TFEC: variants seen among roughly 807,000 people sequenced by gnomAD.
The protein encoded by TFEC is class E basic helix-loop-helix protein 34.
In TFEC, 31 loss-of-function variants were observed where a neutral mutation model predicts 41.6. That is an observed-to-expected ratio of 0.74 (90% CI 0.56 to 1.01). The LOEUF (loss-of-function observed/expected upper bound fraction) is 1.01, where lower values mean the gene tolerates loss of function less well. Ranked by LOEUF, TFEC falls within the 50% of genes least tolerant of loss-of-function variation. The pLI is 0.00. For synonymous variants in TFEC, 143 were observed against 140.6 expected, an observed-to-expected ratio of 1.02 and a Z score of -0.12; for missense variants, 402 against 404.1, an observed-to-expected ratio of 0.99 and a Z score of 0.04.
chr7:116,095,493 T>C (rs919741370), intron 3 of TFEC, among the ~76,000 whole-genome samples: 14 of 152,140 alleles, frequency 9.2e-5, no homozygotes, highest in Non-Finnish European at 1.8e-4. Flanking sequence ...ATATGCAATA[T>C]CCAATATATG....
At chr7:115,971,871 T>G (rs1006454653) in intron 3 of TFEC, among the ~76,000 whole-genome samples, 1 of 152,064 alleles carries the variant, frequency 6.6e-6, no homozygotes, top group South Asian at 2.1e-4. Context: ...GATGCCCACA[T>G]ACAATATTAC....
At chr7:116,076,735 A>T (rs1195134105) in intron 3 of TFEC, among the ~76,000 whole-genome samples, 1 of 152,090 alleles carries the variant, frequency 6.6e-6, no homozygotes, top group African/African-American at 2.4e-5. Flanking sequence ...AAGAAAAAAG[A>T]ATATTTAAAA....
Position 116,084,704 on chromosome 7 carries a change from A to G in TFEC, c.198+26004T>C, listed in dbSNP as rs575921693. On this transcript the variant is annotated intron_variant, in intron 3 of 8. Coordinates refer to the TFEC transcript ENST00000484212. ...ATCATGTACTGTAATGCTTCCTGGGATATGTCACATCATCCCTTATTTTTC... is the reference window on the plus strand; with the variant it reads ...ATCATGTACTGTAATGCTTCCTGGGGTATGTCACATCATCCCTTATTTTTC... 1.8e-4 allele frequency among the ~76,000 whole-genome samples: 28 copies of G among 152,042 alleles called. No individual in the cohort carries two copies. In the South Asian group the frequency reaches 5.8e-3, roughly 32 times the overall value.
chr7:116,107,763 A>C (rs1431031877), intron 3 of TFEC, among the ~76,000 whole-genome samples: 1 of 152,172 alleles, frequency 6.6e-6, no homozygotes, highest in Non-Finnish European at 1.5e-5. Flanking sequence ...ACAAATAAGA[A>C]CCACTAGGTC....
intron 1 of TFEC, among the ~76,000 whole-genome samples, chr7:116,154,457 G>A (rs1041619783): frequency 1.3e-5 from 2 of 152,160 alleles, no homozygotes; most frequent in South Asian, 4.2e-4. Context: ...TGAAAGCATG[G>A]TAGGAATGAT....
chr7:116,010,847 T>C (rs1044902652), intron 1 of TFEC, among the ~76,000 whole-genome samples: 1 of 152,208 alleles, frequency 6.6e-6, no homozygotes, highest in Non-Finnish European at 1.5e-5. Context: ...TTAACCTTAA[T>C]TAAATAATTA....
At chr7:116,047,853 G>C (rs1796207768) in intron 3 of TFEC, among the ~76,000 whole-genome samples, 1 of 152,154 alleles carries the variant, frequency 6.6e-6, no homozygotes, top group South Asian at 2.1e-4. Flanking sequence ...AGCCTCCACT[G>C]GTGATACCAG....
chr7:116,130,084 A>ACACACACT (rs1166207148), intron 1 of TFEC, among the ~76,000 whole-genome samples: 2 of 144,290 alleles, frequency 1.4e-5, no homozygotes, highest in East Asian at 2.1e-4. Flanking sequence ...ACACACACAC[A>ACACACACT]CTCTTACTTG....
intron 3 of TFEC, among the ~76,000 whole-genome samples, chr7:116,093,264 C>A (rs1797370455): frequency 6.6e-6 from 1 of 151,874 alleles, no homozygotes; most frequent in Admixed American, 6.6e-5. Context: ...AAATGGAAAC[C>A]AAAAGAAAAA....
At chr7:116,033,846 T>C (rs1795844993), upstream of TFEC, among the ~76,000 whole-genome samples, 1 of 152,148 alleles carries the variant, frequency 6.6e-6, no homozygotes, top group Non-Finnish European at 1.5e-5. Flanking sequence ...TGTTACTCCA[T>C]TTCTTTGTGC....
upstream of TFEC, among the ~76,000 whole-genome samples, chr7:116,032,808 C>G (rs965159290): frequency 5.3e-5 from 8 of 152,162 alleles, no homozygotes; most frequent in East Asian, 1.9e-4. Context: ...TGTAACAAAC[C>G]TGCACATGTA....
At chr7:115,944,150 A>C (rs1793668585) in intron 6 of TFEC, among the ~76,000 whole-genome samples, 1 of 150,218 alleles carries the variant, frequency 6.7e-6, no homozygotes, top group Non-Finnish European at 1.5e-5. Flanking sequence ...AGAGGAGAGT[A>C]AAGATTAAGT....
At chr7:116,070,293 C>T (rs915778447) in intron 3 of TFEC, among the ~76,000 whole-genome samples, 20 of 151,404 alleles carry the variant, frequency 1.3e-4, no homozygotes, top group Non-Finnish European at 2.5e-4. Flanking sequence ...TCATTTATTA[C>T]TTCTTTGCCA....
chr7:116,042,052 C>T (rs920927470), intron 3 of TFEC, among the ~76,000 whole-genome samples: 1 of 147,934 alleles, frequency 6.8e-6, no homozygotes, highest in Non-Finnish European at 1.5e-5. Flanking sequence ...TGCCTAGTAA[C>T]CTTAATTTTA....
rs1001863697 is a variant in TFEC at position 116,096,220 on chromosome 7, C to T, written c.198+14488G>A. Among the ~76,000 whole-genome samples the T allele has an allele frequency of 2.0e-5, 3 of 152,050 alleles. No homozygotes were observed. In the East Asian group the frequency reaches 5.8e-4, roughly 29 times the overall value. On this transcript the variant is annotated intron_variant, in intron 3 of 8. Transcript: ENST00000484212. ...ACACACACACATAAACACACACACC[C>T]CTATAACTACTTGTCTTGCCTTCCT...
chr7:116,074,699 A>G (rs1208939710), intron 3 of TFEC, among the ~76,000 whole-genome samples: 2 of 152,160 alleles, frequency 1.3e-5, no homozygotes, highest in Non-Finnish European at 2.9e-5. Context: ...ATAATTTAGC[A>G]TTCCTTGAAG....
chr7:115,944,155 T>G (rs1793669138), intron 6 of TFEC, among the ~76,000 whole-genome samples: 2 of 150,352 alleles, frequency 1.3e-5, no homozygotes, highest in South Asian at 4.5e-4. Context: ...AGAGTAAAGA[T>G]TAAGTAAAAA....
At chr7:116,046,331 G>A (rs1796163417) in intron 3 of TFEC, among the ~76,000 whole-genome samples, 2 of 152,166 alleles carry the variant, frequency 1.3e-5, no homozygotes, top group South Asian at 2.1e-4. Context: ...GGACCCAGGA[G>A]GAGGTAACTG....
At chr7:116,004,203 A>G (rs1453049526) in intron 1 of TFEC, among the ~76,000 whole-genome samples, 1 of 152,170 alleles carries the variant, frequency 6.6e-6, no homozygotes, top group Non-Finnish European at 1.5e-5. Context: ...ATTTTTTGAA[A>G]AGATCAATAA....
Sources: allele counts gnomAD v4.1 joint callset (sites outside exome capture counted in the v4.1 genomes callset), GRCh38; gene constraint gnomAD v4.1.1; transcripts MANE v1.5; gene names NCBI Gene and HGNC (gene_info 2026-07-23, HGNC 2026-07-21).